The following ADAM8 variants were observed in gnomAD, a reference collection of about 807,000 sequenced individuals.
ADAM8 encodes the protein disintegrin and metalloproteinase domain-containing protein 8.
In ADAM8, 104 loss-of-function variants were observed where a neutral mutation model predicts 102.4. The ratio of observed to expected loss-of-function variants is 1.02; its 90% CI spans 0.87 to 1.20. The LOEUF (loss-of-function observed/expected upper bound fraction) is 1.20, where lower values mean the gene tolerates loss of function less well. Ranked by LOEUF, ADAM8 falls within the 50% of genes most tolerant of loss-of-function variation. The probability of loss-of-function intolerance (pLI) is 0.00; values close to 1 mark genes in which losing one functional copy is unlikely to be tolerated. For synonymous variants in ADAM8, 517 were observed against 485.2 expected (o/e 1.07, Z -0.86); for missense variants, 1,132 against 1,159.0 (o/e 0.98, Z 0.34).
chr10:133,275,503 C>CGGCGGACTCGGGGGCCT lies in ADAM8; in HGVS notation c.114_130dup (p.Arg44GlnfsTer20), dbSNP rs1846719107. The CGGCGGACTCGGGGGCCT allele has an allele frequency of 6.5e-7, 1 of 1,534,014 alleles. No homozygotes were observed. The highest frequency in any genetic ancestry group is 8.8e-7 in the Non-Finnish European group (1 of 1,140,642). ...ACTCACCAAGTGGGAGGGCAGAGCT[C>CGGCGGACTCGGGGGCCT]GGCGGACTCGGGGGCCTGGCAGACG... is the stretch of plus-strand genomic sequence containing the variant. On this transcript the variant is annotated frameshift_variant, in exon 2 of 23. Coordinates refer to ENST00000445355, the MANE Select transcript of ADAM8 (RefSeq NM_001109.5). LOFTEE classifies it high-confidence loss of function.
intron 22 of ADAM8, 46 bp downstream of exon 22, chr10:133,263,642 C>CACTGTCAGCCCCGTGGGGA (rs59673054): frequency 2.0e-5 from 30 of 1,481,868 alleles, no homozygotes; most frequent in Admixed American, 4.7e-5. Flanking sequence ...GAGGCCGTGC[C>CACTGTCAGCCCCGTGGGGA]GTCCATTGCA....
At position 133,271,053 on chromosome 10, in the gene ADAM8, C is replaced by A; in HGVS notation, c.1392G>T (p.Glu464Asp). 6.2e-7 allele frequency: 1 copy of A among 1,611,548 alleles called. No individual in the cohort carries two copies. Among genetic ancestry groups the A allele is most frequent in the African/African-American group, 1.3e-5 (1 of 75,058 alleles). Residue 464 changes from glutamate to aspartate, a missense_variant, in exon 14 of 23, where the codon GAG (glutamate) becomes GAT (aspartate). Coordinates refer to ENST00000445355, the MANE Select transcript of ADAM8 (RefSeq NM_001109.5). ...CQECKVKPAG[E>D]LCRPKKDMCD... ...ACATGTCCTTCTTGGGACGGCACAG[C>A]TCACCAGCCGGCTTCACCTGGCCCA...
rs371853036 is a variant in ADAM8 at position 133,273,313 on chromosome 10, C to T, written c.514G>A (p.Asp172Asn). Residue 172 changes from aspartate (D) to asparagine (N), a missense_variant, in exon 6 of 23, where the codon GAC becomes AAC. Transcript: ENST00000445355. ...QTAGTCGVSD[D>N]SLGSLLGPRT... ...GGTCCCAGGAGGCTGCCCAGGCTGT[C>T]GTCGCTGACCCCGCAGGTCCCGGCC... 25 of 1,586,786 alleles carry T rather than the reference C, an allele frequency of 1.6e-5. No individual in the cohort carries two copies. In the East Asian group the frequency reaches 1.8e-4, roughly 12 times the overall value.
chr10:133,272,324 T>TTCCCA, intron 9 of ADAM8, 50 bp from the exon 10 acceptor site: 4 of 1,430,716 alleles, frequency 2.8e-6, no homozygotes, highest in Non-Finnish European at 3.8e-6. Flanking sequence ...CCTCCCCACT[T>TTCCCA]CCCTCCCACC....
Position 133,272,870 on chromosome 10 carries a change from G to C in ADAM8, c.637-4C>G, listed in dbSNP as rs1303220039. On this transcript the variant is annotated splice_region_variant and splice_polypyrimidine_tract_variant and intron_variant, in intron 7 of 22. Coordinates refer to ENST00000445355, the MANE Select transcript of ADAM8 (RefSeq NM_001109.5). ...CTTCGCTCCCCAGCATCTGGAACTG[G>C]GGACACGAGACCCTCAGGCTGGAGC... is the stretch of plus-strand genomic sequence containing the variant. 7 of 1,611,264 alleles carry C rather than the reference G, an allele frequency of 4.3e-6. No individual in the cohort carries two copies. The highest frequency in any genetic ancestry group is 5.9e-6 in the Non-Finnish European group (7 of 1,178,880).
chr10:133,268,437 G>A (rs1179238044), intron 19 of ADAM8, among the ~76,000 whole-genome samples: 1 of 152,192 alleles, frequency 6.6e-6, no homozygotes, highest in Non-Finnish European at 1.5e-5. Flanking sequence ...CTGGCAGGGT[G>A]CTCACGGGGC....
chr10:133,266,459 G>A (rs552017905), intron 21 of ADAM8, among the ~76,000 whole-genome samples: 1 of 152,218 alleles, frequency 6.6e-6, no homozygotes, highest in African/African-American at 2.4e-5. Flanking sequence ...GGGCTCTCCT[G>A]CCCCAGGTCT....
chr10:133,273,269 G>A lies in ADAM8; in HGVS notation c.558C>T (p.Phe186=). The change falls in exon 6 of 23, where the codon TTC becomes TTT. Residue 186 remains phenylalanine, a synonymous_variant. Transcript: ENST00000445355. ...GGGTGCTCACCCCGGGCCGAGGCCT[G>A]AAGACGGCTGCCGTCCGGGGTCCCA... is the stretch of plus-strand genomic sequence containing the variant. ...SLLGPRTAAV[F]RPRPGDSLPS... 4 of 1,602,050 alleles carry A rather than the reference G, an allele frequency of 2.5e-6. No individual in the cohort carries two copies. The highest frequency in any genetic ancestry group is 3.4e-6 in the Non-Finnish European group (4 of 1,175,794).
At chr10:133,273,111 C>T (rs1589811075) in intron 6 of ADAM8, 92 bp from the exon 7 acceptor site, 2 of 1,599,338 alleles carry the variant, frequency 1.3e-6, no homozygotes, top group East Asian at 2.2e-5. Context: ...CAGCCCCTGT[C>T]CAGTGCTGGG....
In ADAM8 at chr10:133,271,251, C is replaced by T. The variant is rs966332909; in HGVS notation, c.1323G>A (p.Gln441=). The T allele has an allele frequency of 1.2e-6, 2 of 1,611,540 alleles. No individual in the cohort carries two copies. The highest frequency in any genetic ancestry group is 4.5e-5 in the East Asian group (2 of 44,864). ...GCGCACACTGGGCCCCCTCAGCCAGCTGGCAGGTGGTAGAGTTGCAGCAGC... is the reference window on the plus strand; with the variant it reads ...GCGCACACTGGGCCCCCTCAGCCAGTTGGCAGGTGGTAGAGTTGCAGCAGC... ...RNRCCNSTTC[Q]LAEGAQCAHG... The change falls in exon 13 of 23, where the codon CAG becomes CAA. Residue 441 remains glutamine (Q), a synonymous_variant. Coordinates refer to ENST00000445355, the MANE Select transcript of ADAM8 (RefSeq NM_001109.5).
At position 133,271,523 on chromosome 10, in the gene ADAM8, C is replaced by G; in HGVS notation, c.1284+5G>C. 1.3e-6 allele frequency: 2 copies of G among 1,551,100 alleles called. No homozygotes were observed. Among genetic ancestry groups the G allele is most frequent in the Non-Finnish European group, 1.7e-6 (2 of 1,147,166 alleles). Reference sequence around the variant, plus strand: ...GACGGGAGCAGGTATGGGGCATGGACGCACCTCGGGGGGGCCGCAGTCGCA... The same window carrying G: ...GACGGGAGCAGGTATGGGGCATGGAGGCACCTCGGGGGGGCCGCAGTCGCA... On this transcript the variant is annotated splice_donor_5th_base_variant and intron_variant, in intron 12 of 22. Coordinates refer to ENST00000445355, the MANE Select transcript of ADAM8 (RefSeq NM_001109.5).
In ADAM8 at chr10:133,276,769, C is replaced by T; in HGVS notation, c.46+3G>A. On this transcript the variant is annotated splice_donor_region_variant and intron_variant, in intron 1 of 22. Transcript: ENST00000445355. The stretch of plus-strand genomic sequence containing the variant: ...CCCGGGACGGTTCCCTGGAACCACT[C>T]ACCAGGCAGCATCATCGCGCCCAGC... The T allele has an allele frequency of 6.5e-7, 1 of 1,534,202 alleles. No homozygotes were observed. Among genetic ancestry groups the T allele is most frequent in the South Asian group, 1.2e-5 (1 of 83,052 alleles).
intron 21 of ADAM8, 135 bp from the exon 22 acceptor site, chr10:133,263,900 C>T (rs1458709332): frequency 5.5e-6 from 4 of 724,848 alleles, no homozygotes; most frequent in Non-Finnish European, 6.3e-6. Context: ...GCAGGCTCCG[C>T]CCCCACTGAG....
intron 2 of ADAM8, 85 bp from the exon 3 acceptor site, chr10:133,274,320 G>T (rs1034304306): frequency 5.4e-6 from 7 of 1,296,038 alleles, no homozygotes; most frequent in South Asian, 3.1e-5. Flanking sequence ...AGCTCAGCTG[G>T]GGGGGAAGGG....
chr10:133,271,266 G>T lies in ADAM8; in HGVS notation c.1308C>A (p.Asn436Lys). ...CCTCAGCCAGCTGGCAGGTGGTAGA[G>T]TTGCAGCAGCGGTTCCGGCAGTCCT... ...PPEDCRNRCC[N>K]STTCQLAEGA... The change falls in exon 13 of 23, where the codon AAC becomes AAA. Residue 436 changes from asparagine to lysine, a missense_variant. Physicochemically the swap from Asn to Lys is moderately conservative, Grantham distance 94. Coordinates refer to ENST00000445355, the MANE Select transcript of ADAM8 (RefSeq NM_001109.5). The T allele has an allele frequency of 6.2e-7, 1 of 1,611,126 alleles. No homozygotes were observed. Among genetic ancestry groups the T allele is most frequent in the South Asian group, 1.1e-5 (1 of 90,928 alleles).
At chr10:133,268,435 G>T (rs1400754088) in intron 19 of ADAM8, among the ~76,000 whole-genome samples, 1 of 152,192 alleles carries the variant, frequency 6.6e-6, no homozygotes, top group Non-Finnish European at 1.5e-5. Context: ...AACTGGCAGG[G>T]TGCTCACGGG....
intron 19 of ADAM8, 132 bp from the exon 20 acceptor site, chr10:133,268,250 G>C (rs11101672): frequency 0.82 from 690,640 of 840,092 alleles, 288,767 homozygotes; most frequent in East Asian, 0.91. Flanking sequence ...ATGAGAGACA[G>C]ACAGGCCCAG....
chr10:133,272,155 G>C, intron 10 of ADAM8, 38 bp downstream of exon 10: 1 of 1,543,768 alleles, frequency 6.5e-7, no homozygotes. Flanking sequence ...ATCCAGCTCT[G>C]GCCTCGGCCT....
At position 133,271,722 on chromosome 10, in the gene ADAM8, G is replaced by A. The variant is rs1282954032; in HGVS notation, c.1107-17C>T. The A allele has an allele frequency of 1.3e-6, 2 of 1,550,638 alleles. No homozygotes were observed. Among genetic ancestry groups the A allele is most frequent in the South Asian group, 1.2e-5 (1 of 84,848 alleles). Reference sequence around the variant, plus strand: ...AAACTGGAGCTGGGGAGGCGGGGCAGCATTGGGGGAGGCGGCCTGGCCCCT... The same window carrying A: ...AAACTGGAGCTGGGGAGGCGGGGCAACATTGGGGGAGGCGGCCTGGCCCCT... On this transcript the variant is annotated splice_polypyrimidine_tract_variant and intron_variant, in intron 11 of 22. Coordinates refer to ENST00000445355, the MANE Select transcript of ADAM8 (RefSeq NM_001109.5).
Sources: gnomAD v4.1 joint callset for allele counts (sites outside exome capture counted in the v4.1 genomes callset) on GRCh38, gnomAD v4.1.1 for gene constraint, MANE v1.5 for transcripts, NCBI Gene and HGNC (gene_info 2026-07-23, HGNC 2026-07-21) for gene names.